KANSL1L: variants seen among roughly 807,000 people sequenced by gnomAD.
KANSL1L encodes the protein KAT8 regulatory NSL complex subunit 1-like protein.
A neutral mutation model predicts 108.6 loss-of-function variants in KANSL1L; 25 were observed. The ratio of observed to expected loss-of-function variants is 0.23; its 90% CI spans 0.17 to 0.32. The LOEUF is 0.32. Among genes scored for constraint, KANSL1L ranks in the 10% least tolerant of loss-of-function variants. KANSL1L has a pLI of 1.00. For missense variants in KANSL1L, 1,137 were observed against 1,125.7 expected (o/e 1.01, Z -0.14); for synonymous variants, 405 against 395.1 (o/e 1.03, Z -0.30).
rs1169496455 is a variant in KANSL1L, at chr2:210,154,645, T to C, written c.-29-34A>G. On this transcript the variant is annotated intron_variant, in intron 1 of 14. Transcript: ENST00000281772. The stretch of plus-strand genomic sequence containing the variant: ...ATGTAAAAATAAATGGTCAAATATC[T>C]AGAAAAAAATTTTATGCTTATACTT... 9 of 1,320,434 alleles carry C rather than the reference T, an allele frequency of 6.8e-6. No individual in the cohort carries two copies. In the East Asian group the frequency reaches 2.3e-4, roughly 34 times the overall value. 81.8% of individuals were successfully genotyped at this position (1,320,434 alleles called of 1,614,324 possible).
Position 210,153,869 on chromosome 2 carries a change from A to C in KANSL1L, c.714T>G (p.Ala238=). ...VSKQKILLSQ[A]RRTQKHLQML... Reference sequence around the variant, plus strand: ...TCTGCAAATGTTTCTGAGTTCTTCTAGCCTGGCTAAGTAAAATTTTCTGTT... The same window carrying C: ...TCTGCAAATGTTTCTGAGTTCTTCTCGCCTGGCTAAGTAAAATTTTCTGTT... The change falls in exon 2 of 15, where the codon GCT becomes GCG. Residue 238 remains alanine, a synonymous_variant. Coordinates refer to ENST00000281772, the MANE Select transcript of KANSL1L (RefSeq NM_152519.4). 1 of 1,612,950 alleles carries C rather than the reference A, an allele frequency of 6.2e-7. No individual in the cohort carries two copies. Among genetic ancestry groups the C allele is most frequent in the Non-Finnish European group, 8.5e-7 (1 of 1,179,720 alleles).
At chr2:210,045,383 A>G (rs1171362274) in intron 6 of KANSL1L, among the ~76,000 whole-genome samples, 1 of 151,998 alleles carries the variant, frequency 6.6e-6, no homozygotes, top group Non-Finnish European at 1.5e-5. Flanking sequence ...TATTCCTTTT[A>G]CCATTTCCCT....
chr2:210,023,395 C>T (rs2093889069), intron 14 of KANSL1L, among the ~76,000 whole-genome samples: 1 of 152,138 alleles, frequency 6.6e-6, no homozygotes, highest in South Asian at 2.1e-4. Flanking sequence ...TTTGCCTCTG[C>T]CAAGAAGAGG....
intron 3 of KANSL1L, among the ~76,000 whole-genome samples, chr2:210,125,858 C>A (rs1005628662): frequency 2.6e-5 from 4 of 152,042 alleles, no homozygotes; most frequent in African/African-American, 9.7e-5. Context: ...CATATGAAAA[C>A]CCCCTGAAAA....
chr2:210,089,977 A>G (rs530514445), intron 5 of KANSL1L, among the ~76,000 whole-genome samples: 44 of 152,212 alleles, frequency 2.9e-4, no homozygotes, highest in Non-Finnish European at 5.4e-4. Flanking sequence ...GCAAAGGGAT[A>G]CCTACAAATG....
intron 7 of KANSL1L, among the ~76,000 whole-genome samples, chr2:210,042,965 G>A (rs554294998): frequency 1.7e-4 from 26 of 152,238 alleles, no homozygotes; most frequent in African/African-American, 5.3e-4. Context: ...GCGGAAAATG[G>A]AACAAAAGCT....
rs2093863523 is a variant in KANSL1L at position 210,021,973 on chromosome 2, A to T, written c.*976T>A. The T allele has an allele frequency of 6.6e-6, 1 of 151,402 alleles. No homozygotes were observed. 9.4% of individuals were successfully genotyped at this position (151,402 alleles called of 1,614,324 possible). On this transcript the variant is annotated 3_prime_UTR_variant, in exon 15 of 15. Transcript: ENST00000281772. ...AAATAGAAATCAGCCAGAATTAACT[A>T]ATTTCTTGCTAATCTAGAAATACAA...
intron 2 of KANSL1L, among the ~76,000 whole-genome samples, chr2:210,132,450 G>GGTGA (rs1330959761): frequency 6.6e-6 from 1 of 152,112 alleles, no homozygotes; most frequent in Non-Finnish European, 1.5e-5. Flanking sequence ...CAAAGACATT[G>GGTGA]GTGAGTGGAG....
intron 1 of KANSL1L, chr2:210,155,418 A>G (rs2095327578): frequency 6.6e-6 from 1 of 152,192 alleles, no homozygotes; most frequent in South Asian, 2.1e-4. Flanking sequence ...TCTCAAAGAA[A>G]AGAAAAAGAT....
At chr2:210,090,072 A>C (rs1257244446) in intron 5 of KANSL1L, among the ~76,000 whole-genome samples, 2 of 152,208 alleles carry the variant, frequency 1.3e-5, no homozygotes, top group Non-Finnish European at 2.9e-5. Flanking sequence ...CTAGTATACT[A>C]TCTAAGATAA....
At chr2:210,082,441 A>G (rs1452257513) in intron 5 of KANSL1L, among the ~76,000 whole-genome samples, 1 of 152,248 alleles carries the variant, frequency 6.6e-6, no homozygotes, top group African/African-American at 2.4e-5. Flanking sequence ...TGAAAGATCC[A>G]TATCCTTAAG....
intron 7 of KANSL1L, 27 bp downstream of exon 7, chr2:210,043,912 C>T (rs376943968): frequency 1.1e-4 from 158 of 1,452,454 alleles, no homozygotes; most frequent in Non-Finnish European, 1.4e-4. Flanking sequence ...AATATCGTTA[C>T]TTAGAAATTG....
At chr2:210,055,428 G>T (rs1313954706) in intron 6 of KANSL1L, among the ~76,000 whole-genome samples, 1 of 152,180 alleles carries the variant, frequency 6.6e-6, no homozygotes, top group Non-Finnish European at 1.5e-5. Flanking sequence ...TTGGAACTGG[G>T]TAACAGGAAG....
At chr2:210,143,052 A>G (rs2095241345) in intron 2 of KANSL1L, among the ~76,000 whole-genome samples, 1 of 152,090 alleles carries the variant, frequency 6.6e-6, no homozygotes, top group Non-Finnish European at 1.5e-5. Context: ...AAAGTCCCCT[A>G]CTATTATTGT....
chr2:210,150,520 T>A (rs913375783), intron 2 of KANSL1L, among the ~76,000 whole-genome samples: 5 of 152,098 alleles, frequency 3.3e-5, no homozygotes, highest in Non-Finnish European at 5.9e-5. Context: ...CGGTGGCTCA[T>A]GCCTGTAATC....
intron 6 of KANSL1L, among the ~76,000 whole-genome samples, chr2:210,073,774 AACACACAC>A (rs372708042): frequency 9.8e-4 from 139 of 142,008 alleles, no homozygotes; most frequent in African/African-American, 3.1e-3. Context: ...GAAACACACA[AACACACAC>A]ACACACACAC....
intron 2 of KANSL1L, 34 bp from the exon 3 acceptor site, chr2:210,129,206 C>A: frequency 6.5e-7 from 1 of 1,528,240 alleles, no homozygotes; most frequent in East Asian, 2.4e-5. Flanking sequence ...ACTCAAAGCA[C>A]AAAGGCAATC....
intron 3 of KANSL1L, among the ~76,000 whole-genome samples, chr2:210,116,066 G>A (rs1354773396): frequency 1.3e-5 from 2 of 152,196 alleles, no homozygotes; most frequent in Non-Finnish European, 2.9e-5. Flanking sequence ...CTGTCCTGAA[G>A]GGAGAGACTC....
chr2:210,110,272 C>T (rs2094891239), intron 3 of KANSL1L, among the ~76,000 whole-genome samples: 1 of 152,122 alleles, frequency 6.6e-6, no homozygotes, highest in South Asian at 2.1e-4. Flanking sequence ...TAATTTTATC[C>T]AGCTCAAAGG....
Sources: gnomAD v4.1 joint callset for allele counts (sites outside exome capture counted in the v4.1 genomes callset) on GRCh38, gnomAD v4.1.1 for gene constraint, MANE v1.5 for transcripts, NCBI Gene and HGNC (gene_info 2026-07-23, HGNC 2026-07-21) for gene names.